KRT17: variants seen among roughly 807,000 people sequenced by gnomAD.
The protein encoded by KRT17 is keratin 17.
KRT17 carries 29 observed loss-of-function variants against 45.6 expected under a neutral mutation model. That is an observed-to-expected ratio of 0.64 (90% CI 0.47 to 0.87). KRT17 has a LOEUF of 0.87. KRT17 is among the 40% of genes least tolerant of loss of function. The pLI is 0.00. For missense variants in KRT17, 536 were observed against 577.8 expected, an observed-to-expected ratio of 0.93 and a Z score of 0.74; for synonymous variants, 219 against 234.6, an observed-to-expected ratio of 0.93 and a Z score of 0.61.
rs1908500496 is a variant in KRT17 at position 41,620,553 on chromosome 17, G to A, written c.1187C>T (p.Thr396Ile). The A allele has an allele frequency of 4.3e-6, 7 of 1,610,996 alleles. No homozygotes were observed. Among genetic ancestry groups the A allele is most frequent in the South Asian group, 1.1e-5 (1 of 90,976 alleles). ...RLLEGEDAHL[T>I]QYKKEPVTTR... ...ATACTTACGTTCTTTCTTGTACTGAGTCAGGCTGAAAGAAAAAAAAAAACA... is the reference window on the plus strand; with the variant it reads ...ATACTTACGTTCTTTCTTGTACTGAATCAGGCTGAAAGAAAAAAAAAAACA... Residue 396 changes from threonine to isoleucine, a missense_variant, in exon 7 of 8, where the codon ACT becomes ATT. Coordinates refer to ENST00000311208, the MANE Select transcript of KRT17 (RefSeq NM_000422.3).
intron 4 of KRT17, 144 bp downstream of exon 4, chr17:41,621,449 G>A (rs1908538758): frequency 9.8e-7 from 1 of 1,019,774 alleles, no homozygotes; most frequent in South Asian, 1.4e-5. Context: ...CTCCATGTCT[G>A]TTGATGCAGT....
rs189096143 is a variant in KRT17, at chr17:41,619,624, G to A, written c.1269C>T (p.Ser423=). ...GGGTGGTCTGGTGGACCTGCTCGCG[G>A]GAGGAGATGACCTTGCCATCCTGGA... ...EEVQDGKVIS[S]REQVHQTTR Residue 423 remains serine (S), a synonymous_variant, in exon 8 of 8, where the codon TCC becomes TCT. Coordinates refer to ENST00000311208, the MANE Select transcript of KRT17 (RefSeq NM_000422.3). 1.2e-6 allele frequency: 2 copies of A among 1,612,176 alleles called. No homozygotes were observed. Among genetic ancestry groups the A allele is most frequent in the East Asian group, 4.5e-5 (2 of 44,882 alleles).
Position 41,624,182 on chromosome 17 carries a change from T to A in KRT17, c.328A>T (p.Thr110Ser). ...DKVRALEEANTELEVKIRDWY... is the reference protein window; with the variant it reads ...DKVRALEEANSELEVKIRDWY... Reference sequence around the variant, plus strand: ...TCACGGATCTTCACCTCCAGCTCAGTGTTGGCCTCCTCCAGGGCACGCACC... The same window carrying A: ...TCACGGATCTTCACCTCCAGCTCAGAGTTGGCCTCCTCCAGGGCACGCACC... Residue 110 changes from threonine to serine, a missense_variant, in exon 1 of 8, where the codon ACT becomes TCT. Transcript: ENST00000311208. 6.2e-7 allele frequency: 1 copy of A among 1,612,450 alleles called. No individual in the cohort carries two copies. The highest frequency in any genetic ancestry group is 8.5e-7 in the Non-Finnish European group (1 of 1,179,954).
intron 1 of KRT17, chr17:41,623,234 C>G: frequency 1.8e-6 from 1 of 557,310 alleles, no homozygotes; most frequent in East Asian, 3.2e-5. Flanking sequence ...CTCAGTACCC[C>G]ACCAGACCCC....
At chr17:41,622,238 G>A in intron 3 of KRT17, 117 bp downstream of exon 3, 2 of 1,352,286 alleles carry the variant, frequency 1.5e-6, no homozygotes, top group South Asian at 2.3e-5. Context: ...AGCCCTCTAA[G>A]GTGACTAATC....
At chr17:41,623,104 C>T (rs1235186728) in intron 1 of KRT17, 72 bp from the exon 2 acceptor site, 1 of 1,163,468 alleles carries the variant, frequency 8.6e-7, no homozygotes, top group Non-Finnish European at 1.3e-6. Context: ...CTGAGCAGAT[C>T]TTCCTGCCTC....
chr17:41,623,890 G>A lies in KRT17; in HGVS notation c.432+188C>T, dbSNP rs553657089. 1.1e-4 allele frequency among the ~76,000 whole-genome samples: 17 copies of A among 152,324 alleles called. No homozygotes were observed. In the South Asian group the frequency reaches 2.7e-3, roughly 24 times the overall value. The stretch of plus-strand genomic sequence containing the variant: ...GGCCTCTTTGTTCCTGACTCAGCTT[G>A]CTGTCCCCAGAAAAGGGGGATGTGA... On this transcript the variant is annotated intron_variant, in intron 1 of 7. Transcript: ENST00000311208.
At chr17:41,620,037 T>C in intron 7 of KRT17, 1 of 985,326 alleles carries the variant, frequency 1.0e-6, no homozygotes. Context: ...ATCTCCCCCA[T>C]CAGACTGGGA....
At position 41,619,553 on chromosome 17, in the gene KRT17, C is replaced by G; in HGVS notation, c.*41G>C. ...GACTGTGGGGCAGATGGGGCGGCTG[C>G]CTCCCTGCCTCCTGGGTGGCCGGCC... On this transcript the variant is annotated 3_prime_UTR_variant, in exon 8 of 8. Transcript: ENST00000311208. 3 of 1,611,622 alleles carry G rather than the reference C, an allele frequency of 1.9e-6. No homozygotes were observed. The highest frequency in any genetic ancestry group is 2.5e-6 in the Non-Finnish European group (3 of 1,179,844).
Position 41,624,136 on chromosome 17 carries a change from G to A in KRT17, c.374C>T (p.Pro125Leu), listed in dbSNP as rs754908705. 49 of 1,611,848 alleles carry A rather than the reference G, an allele frequency of 3.0e-5. No homozygotes were observed. Among genetic ancestry groups the A allele is most frequent in the Admixed American group, 8.3e-5 (5 of 60,000 alleles). ...KIRDWYQRQAPGPARDYSQYY... is the reference protein window; with the variant it reads ...KIRDWYQRQALGPARDYSQYY... ...CTGGCTGTAGTCACGGGCGGGCCCC[G>A]GGGCCTGCCTCTGGTACCAGTCACG... The change falls in exon 1 of 8, where the codon CCG becomes CTG. Residue 125 changes from proline (P) to leucine (L), a missense_variant. By Grantham distance (98) the Pro-to-Leu change is moderately conservative. Transcript: ENST00000311208.
intron 4 of KRT17, 59 bp from the exon 5 acceptor site, chr17:41,621,150 C>T (rs1392070526): frequency 6.2e-7 from 1 of 1,607,294 alleles, no homozygotes; most frequent in Middle Eastern, 2.0e-4. Flanking sequence ...CAAGTCAGGC[C>T]TCCTCCCAAA....
intron 3 of KRT17, 180 bp from the exon 4 acceptor site, chr17:41,621,934 C>T (rs979897387): frequency 1.5e-6 from 1 of 688,140 alleles, no homozygotes. Flanking sequence ...CACCATCAGA[C>T]TCTATCTCCC....
chr17:41,619,620 C>A lies in KRT17; in HGVS notation c.1273G>T (p.Glu425Ter). The A allele has an allele frequency of 1.2e-5, 19 of 1,612,150 alleles. No homozygotes were observed. Among genetic ancestry groups the A allele is most frequent in the Non-Finnish European group, 1.5e-5 (18 of 1,179,996 alleles). The change falls in exon 8 of 8, where the codon GAG becomes TAG. Residue 425 changes from glutamate to a stop codon, truncating the protein, a stop_gained. Transcript: ENST00000311208. LOFTEE classifies it high-confidence loss of function. ...CAGCGGGTGGTCTGGTGGACCTGCT[C>A]GCGGGAGGAGATGACCTTGCCATCC... ...VQDGKVISSR[E>*]QVHQTTR
chr17:41,621,069 A>G lies in KRT17; in HGVS notation c.857T>C (p.Val286Ala), dbSNP rs1908523753. 6.2e-7 allele frequency: 1 copy of G among 1,613,826 alleles called. No homozygotes were observed. The highest frequency in any genetic ancestry group is 8.5e-7 in the Non-Finnish European group (1 of 1,179,936). Residue 286 changes from valine to alanine, a missense_variant, in exon 5 of 8, where the codon GTG (valine) becomes GCG (alanine). Physicochemically the swap from Val to Ala is moderately conservative, Grantham distance 64 (BLOSUM62 0). Transcript: ENST00000311208. ...FSKTEELNRE[V>A]ATNSELVQSG... is the part of the protein sequence containing the mutation. ...CTGCACCAGCTCACTGTTGGTGGCC[A>G]CCTCGCGGTTCAGTTCCTCTGTCTG...
intron 1 of KRT17, among the ~76,000 whole-genome samples, chr17:41,623,863 A>G (rs909757066): frequency 3.3e-5 from 5 of 152,178 alleles, no homozygotes; most frequent in East Asian, 1.9e-4. Flanking sequence ...GGGGCTCCAC[A>G]AGGCCTCTTT....
At position 41,624,512 on chromosome 17, in the gene KRT17, T is replaced by C. The variant is rs1908664006; in HGVS notation, c.-3A>G. On this transcript the variant is annotated 5_prime_UTR_variant, in exon 1 of 8. Coordinates refer to ENST00000311208, the MANE Select transcript of KRT17 (RefSeq NM_000422.3). Reference sequence around the variant, plus strand: ...AACTGGCGGATGGAGGTGGTCATGGTGGCGGCGGCAGGAGGCAGGCACACA... The same window carrying C: ...AACTGGCGGATGGAGGTGGTCATGGCGGCGGCGGCAGGAGGCAGGCACACA... 1 of 1,608,948 alleles carries C rather than the reference T, an allele frequency of 6.2e-7. No homozygotes were observed. Among genetic ancestry groups the C allele is most frequent in the African/African-American group, 1.3e-5 (1 of 74,828 alleles).
Position 41,620,962 on chromosome 17 carries a change from C to A in KRT17, c.960+4G>T, listed in dbSNP as rs777976224. The A allele has an allele frequency of 8.1e-6, 13 of 1,614,040 alleles. No individual in the cohort carries two copies. The African/African-American group carries it at 1.7e-4, about 22-fold the overall frequency. ...CCCTCCCCCATGCACAGGACTGTTCCTACCATGCTGAGCTGGGACTGCAGC... is the reference window on the plus strand; with the variant it reads ...CCCTCCCCCATGCACAGGACTGTTCATACCATGCTGAGCTGGGACTGCAGC... On this transcript the variant is annotated splice_donor_region_variant and intron_variant, in intron 5 of 7. Coordinates refer to ENST00000311208, the MANE Select transcript of KRT17 (RefSeq NM_000422.3).
chr17:41,623,089 G>A, intron 1 of KRT17, 57 bp from the exon 2 acceptor site: 4 of 1,320,538 alleles, frequency 3.0e-6, no homozygotes, highest in Non-Finnish European at 4.4e-6. Flanking sequence ...GCCCACACCA[G>A]GGTTCTGAGC....
At position 41,624,544 on chromosome 17, in the gene KRT17, G is replaced by T; in HGVS notation, c.-35C>A. On this transcript the variant is annotated 5_prime_UTR_variant, in exon 1 of 8. Coordinates refer to ENST00000311208, the MANE Select transcript of KRT17 (RefSeq NM_000422.3). The stretch of plus-strand genomic sequence containing the variant: ...GGCAGGAGGCAGGCACACAGGAGAA[G>T]GGCTGGAGAGGAGAGGGGCCCCAAG... The T allele has an allele frequency of 6.3e-7, 1 of 1,595,136 alleles. No homozygotes were observed. Among genetic ancestry groups the T allele is most frequent in the Non-Finnish European group, 8.6e-7 (1 of 1,168,226 alleles).
Sources: gnomAD v4.1 joint callset for allele counts (sites outside exome capture counted in the v4.1 genomes callset) on GRCh38, gnomAD v4.1.1 for gene constraint, MANE v1.5 for transcripts, NCBI Gene and HGNC (gene_info 2026-07-23, HGNC 2026-07-21) for gene names.